The following TRAF3IP2 variants were observed in gnomAD, a reference collection of about 807,000 sequenced individuals.
The protein encoded by TRAF3IP2 is E3 ubiquitin ligase TRAF3IP2.
In TRAF3IP2, 35 loss-of-function variants were observed where a neutral mutation model predicts 57.9. The ratio of observed to expected loss-of-function variants is 0.60; its 90% CI spans 0.46 to 0.80. The LOEUF (loss-of-function observed/expected upper bound fraction) is 0.80. Ranked by LOEUF, TRAF3IP2 falls within the 30% of genes least tolerant of loss-of-function variation. The pLI, the probability that TRAF3IP2 is intolerant of heterozygous loss-of-function variation, is 0.00. For missense variants in TRAF3IP2, 556 were observed against 706.4 expected, an observed-to-expected ratio of 0.79 and a Z score of 2.41; for synonymous variants, 251 against 268.9, an observed-to-expected ratio of 0.93 and a Z score of 0.65.
intron 2 of TRAF3IP2, among the ~76,000 whole-genome samples, chr6:111,585,236 A>G (rs1266493542): frequency 6.6e-6 from 1 of 152,154 alleles, no homozygotes; most frequent in Admixed American, 6.5e-5. Context: ...CATGAAAACA[A>G]GGACGGTGTA....
At chr6:111,593,064 T>G (rs1796569633) in intron 1 of TRAF3IP2, among the ~76,000 whole-genome samples, 3 of 152,222 alleles carry the variant, frequency 2.0e-5, no homozygotes, top group Admixed American at 2.0e-4. Flanking sequence ...ATCATTAAAC[T>G]GATTGAGATG....
In TRAF3IP2 at chr6:111,581,743, C is replaced by T. The variant is rs528617626; in HGVS notation, c.830-1354G>A. 9.9e-5 allele frequency among the ~76,000 whole-genome samples: 15 copies of T among 151,502 alleles called. No homozygotes were observed. In the South Asian group the frequency reaches 2.3e-3, roughly 23 times the overall value. The stretch of plus-strand genomic sequence containing the variant: ...CTGTAATCCCAGCACTTTGGGTGGC[C>T]GAGGCAGACAGATCACCTGAGTTCA... On this transcript the variant is annotated intron_variant, in intron 2 of 8. Transcript: ENST00000368761.
At position 111,558,543 on chromosome 6, in the gene TRAF3IP2, CTG is replaced by C. The variant is rs1174346174; in HGVS notation, c.*860_*861del. ...TGCCTCCCGGGTTCAAGTGATTCTCCTGCCTCAGCCTCCCGAGTAGCTGGGAT... is the reference window on the plus strand; with the variant it reads ...TGCCTCCCGGGTTCAAGTGATTCTCCCCTCAGCCTCCCGAGTAGCTGGGAT... On this transcript the variant is annotated 3_prime_UTR_variant, in exon 9 of 9. Transcript: ENST00000368761. 6.6e-6 allele frequency: 1 copy of C among 152,236 alleles called. No individual in the cohort carries two copies. Among genetic ancestry groups the C allele is most frequent in the Admixed American group, 6.5e-5 (1 of 15,278 alleles). 9.4% of individuals were successfully genotyped at this position (152,236 alleles called of 1,614,324 possible). A position where few individuals can be genotyped will look rare whatever the true frequency, so the allele number is the denominator to read the frequency against.
At chr6:111,575,505 G>A (rs1795951322) in intron 4 of TRAF3IP2, 138 bp downstream of exon 4, 1 of 930,748 alleles carries the variant, frequency 1.1e-6, no homozygotes, top group Non-Finnish European at 1.6e-6. Context: ...GGAGAATGGG[G>A]TGAACCTGGG....
At chr6:111,597,847 A>T in intron 1 of TRAF3IP2, 1 of 455,742 alleles carries the variant, frequency 2.2e-6, no homozygotes, top group Non-Finnish European at 4.4e-6. Flanking sequence ...GGCTTTCTCC[A>T]TATTTACGTG....
At chr6:111,569,848 T>C (rs766229878) in intron 5 of TRAF3IP2, among the ~76,000 whole-genome samples, 5 of 152,222 alleles carry the variant, frequency 3.3e-5, no homozygotes, top group Admixed American at 6.5e-5. Context: ...TCCTGGGTGG[T>C]GCAATGAGCT....
chr6:111,558,118 A>G lies in TRAF3IP2; in HGVS notation c.*1287T>C, dbSNP rs1795307837. The G allele has an allele frequency of 6.6e-6, 1 of 152,192 alleles. No homozygotes were observed. The highest frequency in any genetic ancestry group is 1.5e-5 in the Non-Finnish European group (1 of 68,026). 9.4% of individuals were successfully genotyped at this position (152,192 alleles called of 1,614,324 possible). A position where few individuals can be genotyped will look rare whatever the true frequency, so the allele number is the denominator to read the frequency against. On this transcript the variant is annotated 3_prime_UTR_variant, in exon 9 of 9. Transcript: ENST00000368761. Reference sequence around the variant, plus strand: ...AAAATGAAAACTCAGTCACTCCTCAAAAGAGTATTTAGAATTTAGGTCCTA... The same window carrying G: ...AAAATGAAAACTCAGTCACTCCTCAGAAGAGTATTTAGAATTTAGGTCCTA...
At chr6:111,580,418 G>A (rs763857635) in intron 2 of TRAF3IP2, 29 bp from the exon 3 acceptor site, 3 of 1,518,052 alleles carry the variant, frequency 2.0e-6, no homozygotes, top group African/African-American at 1.4e-5. Context: ...AAGACAACAG[G>A]GAACATCAAC....
At chr6:111,576,145 A>T (rs1052621496) in intron 3 of TRAF3IP2, among the ~76,000 whole-genome samples, 1 of 152,242 alleles carries the variant, frequency 6.6e-6, no homozygotes, top group African/African-American at 2.4e-5. Flanking sequence ...GTAGTATGAC[A>T]GGTGACACAG....
chr6:111,580,094 C>T (rs1351153315), intron 3 of TRAF3IP2, 103 bp downstream of exon 3: 8 of 1,364,256 alleles, frequency 5.9e-6, no homozygotes, highest in Middle Eastern at 2.0e-4. Context: ...TGCTCACTAA[C>T]GTGGGTTAGC....
Position 111,566,590 on chromosome 6 carries a change from A to G in TRAF3IP2, c.1360-30T>C, listed in dbSNP as rs773685006. On this transcript the variant is annotated intron_variant, in intron 6 of 8. Coordinates refer to ENST00000368761, the MANE Select transcript of TRAF3IP2 (RefSeq NM_147686.4). ...TAATGAGAGGGAGAAAGGCATGTTT[A>G]TGGAAGTGTACCAGCAGGACTGTGG... 8.2e-6 allele frequency: 13 copies of G among 1,586,902 alleles called. No individual in the cohort carries two copies. The Admixed American group carries it at 2.2e-4, about 26-fold the overall frequency.
chr6:111,599,945 G>T (rs1685464156), intron 1 of TRAF3IP2: 1 of 152,188 alleles, frequency 6.6e-6, no homozygotes, highest in African/African-American at 2.4e-5. Flanking sequence ...TCTGGGTTCA[G>T]ACTCCCTAGG....
chr6:111,593,422 A>G (rs1796579560), intron 1 of TRAF3IP2, among the ~76,000 whole-genome samples: 2 of 152,198 alleles, frequency 1.3e-5, no homozygotes, highest in Non-Finnish European at 1.5e-5. Flanking sequence ...ACCCAATCCA[A>G]TGGGATCAGG....
rs556005696 is a variant in TRAF3IP2, at chr6:111,579,157, C to T, written c.1022+1040G>A. ...TAGCCTGGCCTATATGGTGAAACCC[C>T]GTGTCTACTAAAAATACAAAAATTA... On this transcript the variant is annotated intron_variant, in intron 3 of 8. Coordinates refer to ENST00000368761, the MANE Select transcript of TRAF3IP2 (RefSeq NM_147686.4). Among the ~76,000 whole-genome samples, 5 of 150,662 alleles carry T rather than the reference C, an allele frequency of 3.3e-5. No individual in the cohort carries two copies. The East Asian group carries it at 7.8e-4, about 23-fold the overall frequency.
chr6:111,602,324 CGTT>C (rs1796897021), intron 1 of TRAF3IP2: 1 of 143,380 alleles, frequency 7.0e-6, no homozygotes, highest in East Asian at 2.0e-4. Flanking sequence ...TTTTTTCTGT[CGTT>C]GTCATTGTTT....
intron 2 of TRAF3IP2, among the ~76,000 whole-genome samples, chr6:111,589,071 C>CT (rs372254400): frequency 0.5 from 60,943 of 122,926 alleles, 16,620 homozygotes; most frequent in South Asian, 0.59. Context: ...GAAAAATTAT[C>CT]TTTTTTTTTT....
intron 3 of TRAF3IP2, among the ~76,000 whole-genome samples, chr6:111,577,386 G>A (rs983994058): frequency 3.3e-5 from 5 of 152,268 alleles, no homozygotes; most frequent in African/African-American, 1.2e-4. Flanking sequence ...CTATGAGTAA[G>A]AGGAGAATTA....
At position 111,559,134 on chromosome 6, in the gene TRAF3IP2, T is replaced by C. The variant is rs1795339556; in HGVS notation, c.*271A>G. 1.1e-5 allele frequency: 4 copies of C among 375,732 alleles called. No homozygotes were observed. Among genetic ancestry groups the C allele is most frequent in the Admixed American group, 4.0e-5 (1 of 25,138 alleles). 23.3% of individuals were successfully genotyped at this position (375,732 alleles called of 1,614,324 possible). On this transcript the variant is annotated 3_prime_UTR_variant, in exon 9 of 9. Transcript: ENST00000368761. The stretch of plus-strand genomic sequence containing the variant: ...GAGGCCCAGAATGGACACATCAAAC[T>C]GTCAGGAGGAACATATGGGACACTG...
chr6:111,598,851 G>T (rs544004809), intron 1 of TRAF3IP2, among the ~76,000 whole-genome samples: 2 of 152,102 alleles, frequency 1.3e-5, no homozygotes, highest in South Asian at 2.1e-4. Flanking sequence ...TCATGACACC[G>T]CCCAGGAGAC....
Sources: gnomAD v4.1 joint callset for allele counts (sites outside exome capture counted in the v4.1 genomes callset) on GRCh38, gnomAD v4.1.1 for gene constraint, MANE v1.5 for transcripts, NCBI Gene and HGNC (gene_info 2026-07-23, HGNC 2026-07-21) for gene names.